GALNT13: variants seen among roughly 807,000 people sequenced by gnomAD.
GALNT13 encodes polypeptide N-acetylgalactosaminyltransferase 13.
A neutral mutation model predicts 64.2 loss-of-function variants in GALNT13; 28 were observed. The observed-to-expected ratio is 0.44, with a 90% CI of 0.32 to 0.60. GALNT13 has a LOEUF of 0.60. Among genes scored for constraint, GALNT13 ranks in the 20% least tolerant of loss-of-function variants. The probability of loss-of-function intolerance (pLI) is 0.05; values close to 1 mark genes in which losing one functional copy is unlikely to be tolerated. For synonymous variants in GALNT13, 214 were observed against 224.6 expected (o/e 0.95, Z 0.42); for missense variants, 577 against 669.8 (o/e 0.86, Z 1.53).
At chr2:153,336,766 A>T in the GALNT13 span, among the ~76,000 whole-genome samples, 1 of 152,064 alleles carries the variant, frequency 6.6e-6, no homozygotes, top group African/African-American at 2.4e-5. Flanking sequence ...AGAACATGAG[A>T]TTTGGAGGGG....
At chr2:153,707,423 T>G in the GALNT13 span, among the ~76,000 whole-genome samples, 3 of 152,198 alleles carry the variant, frequency 2.0e-5, no homozygotes, top group African/African-American at 7.2e-5. Flanking sequence ...AACATCCATA[T>G]TTACAAAGAT....
the GALNT13 span, among the ~76,000 whole-genome samples, chr2:153,278,204 A>T: frequency 1.8e-4 from 28 of 151,932 alleles, no homozygotes; most frequent in African/African-American, 6.8e-4. Context: ...AAGTGCTGGG[A>T]TTACAGGCGT....
At chr2:153,875,815 T>C (rs2105222528) in intron 1 of GALNT13, among the ~76,000 whole-genome samples, 1 of 152,324 alleles carries the variant, frequency 6.6e-6, no homozygotes, top group East Asian at 1.9e-4. Flanking sequence ...CATTGTCCTT[T>C]TAAAAATGGA....
At chr2:153,736,664 C>T in the GALNT13 span, among the ~76,000 whole-genome samples, 6 of 152,128 alleles carry the variant, frequency 3.9e-5, no homozygotes, top group Non-Finnish European at 8.8e-5. Flanking sequence ...ATTTCTCTAT[C>T]ATCTATTGTT....
chr2:153,194,059 T>C, the GALNT13 span, among the ~76,000 whole-genome samples: 2 of 152,210 alleles, frequency 1.3e-5, no homozygotes, highest in East Asian at 1.9e-4. Flanking sequence ...TTGACTATAA[T>C]ATGCAAGGGA....
At chr2:153,988,065 T>A (rs113829093) in intron 3 of GALNT13, among the ~76,000 whole-genome samples, 25 of 140,940 alleles carry the variant, frequency 1.8e-4, no homozygotes, top group Admixed American at 7.8e-4. Flanking sequence ...GACATATATA[T>A]ATATATATAC....
At chr2:154,246,020 C>A in intron 7 of GALNT13, 38 bp downstream of exon 7, 3 of 1,412,542 alleles carry the variant, frequency 2.1e-6, no homozygotes, top group Non-Finnish European at 2.9e-6. Context: ...ATGTATATCC[C>A]CCTAAAAATT....
At chr2:154,138,571 G>GT (rs1683079031) in intron 3 of GALNT13, among the ~76,000 whole-genome samples, 3 of 127,210 alleles carry the variant, frequency 2.4e-5, no homozygotes, top group Non-Finnish European at 3.6e-5. Context: ...TCCAAGATAT[G>GT]TTAAAAAAAA....
the GALNT13 span, among the ~76,000 whole-genome samples, chr2:153,533,723 C>CTTTTTTTGTTTTTTTTTTTTTTT: frequency 2.1e-5 from 1 of 48,732 alleles, no homozygotes; most frequent in Non-Finnish European, 3.6e-5. Flanking sequence ...TGAGGTTTTT[C>CTTTTTTTGTTTTTTTTTTTTTTT]TTTTTTTTTT....
the GALNT13 span, among the ~76,000 whole-genome samples, chr2:153,597,088 A>G: frequency 1.3e-5 from 2 of 152,148 alleles, no homozygotes; most frequent in East Asian, 1.9e-4. Context: ...ATTCTACAAC[A>G]GTTTTTTTAC....
At chr2:153,146,114 A>T in the GALNT13 span, among the ~76,000 whole-genome samples, 1 of 151,014 alleles carries the variant, frequency 6.6e-6, no homozygotes, top group Non-Finnish European at 1.5e-5. Flanking sequence ...CCATTGCACC[A>T]TGCTTCCTCT....
the GALNT13 span, among the ~76,000 whole-genome samples, chr2:153,435,195 T>C: frequency 6.6e-6 from 1 of 151,944 alleles, no homozygotes; most frequent in Non-Finnish European, 1.5e-5. Context: ...CTGTATCTGC[T>C]TTGGTACCAG....
the GALNT13 span, among the ~76,000 whole-genome samples, chr2:153,483,631 G>A: frequency 1.6e-4 from 25 of 151,896 alleles, no homozygotes. Context: ...GGTCAGGCTG[G>A]TCCTGAACTC....
the GALNT13 span, among the ~76,000 whole-genome samples, chr2:153,331,282 ATAATTCTACTAGGTGTACAG>A: frequency 9.2e-5 from 14 of 151,574 alleles, no homozygotes; most frequent in Non-Finnish European, 1.9e-4. Context: ...TAATGCTCTA[ATAATTCTACTAGGTGTACAG>A]TAATTCTACT....
chr2:154,101,130 C>T (rs1281334005), intron 3 of GALNT13, among the ~76,000 whole-genome samples: 1 of 151,382 alleles, frequency 6.6e-6, no homozygotes, highest in Non-Finnish European at 1.5e-5. Flanking sequence ...AGGATTTTTG[C>T]ATCTGTGTTT....
the GALNT13 span, among the ~76,000 whole-genome samples, chr2:153,283,802 G>A: frequency 1.3e-5 from 2 of 152,142 alleles, no homozygotes; most frequent in Non-Finnish European, 2.9e-5. Context: ...ACTTTGAAGT[G>A]TGCCTGGGTG....
chr2:154,206,885 G>A (rs1573875712), intron 4 of GALNT13, among the ~76,000 whole-genome samples: 1 of 151,590 alleles, frequency 6.6e-6, no homozygotes, highest in Non-Finnish European at 1.5e-5. Flanking sequence ...GCATTTCACC[G>A]TGCAAATCAG....
intron 3 of GALNT13, among the ~76,000 whole-genome samples, chr2:153,980,494 T>C (rs1694389939): frequency 6.6e-6 from 1 of 151,644 alleles, no homozygotes; most frequent in South Asian, 2.1e-4. Context: ...TTAGGAGGAG[T>C]AATAGGCATA....
At chr2:153,618,412 A>G in the GALNT13 span, among the ~76,000 whole-genome samples, 14 of 151,418 alleles carry the variant, frequency 9.2e-5, no homozygotes, top group Non-Finnish European at 1.8e-4. Flanking sequence ...CTTTTTTTTA[A>G]TGTATTAAGA....
Sources: gnomAD v4.1 joint callset for allele counts (sites outside exome capture counted in the v4.1 genomes callset) on GRCh38, gnomAD v4.1.1 for gene constraint, MANE v1.5 for transcripts, NCBI Gene and HGNC (gene_info 2026-07-23, HGNC 2026-07-21) for gene names.